Variants in CSMD1 observed in about 807,000 individuals in gnomAD.
CSMD1 encodes CUB and sushi domain-containing protein 1.
In CSMD1, 213 loss-of-function variants were observed where a neutral mutation model predicts 417.5. The observed-to-expected ratio is 0.51, with a 90% CI of 0.46 to 0.57. The LOEUF (loss-of-function observed/expected upper bound fraction) is 0.57. Among genes scored for constraint, CSMD1 ranks in the 20% least tolerant of loss-of-function variants. CSMD1 has a pLI of 0.00. For synonymous variants in CSMD1, 2,862 were observed against 1,736.8 expected (o/e 1.65, Z -16.11); for missense variants, 6,923 against 4,529.7 (o/e 1.53, Z -15.17).
chr8:3,922,089 A>G (rs1809317158), intron 5 of CSMD1, among the ~76,000 whole-genome samples: 1 of 152,076 alleles, frequency 6.6e-6, no homozygotes, highest in South Asian at 2.1e-4. Flanking sequence ...ATAATTTTAT[A>G]TAGTTTTCAT....
chr8:4,200,800 G>A (rs79698096), intron 3 of CSMD1, among the ~76,000 whole-genome samples: 2 of 152,200 alleles, frequency 1.3e-5, no homozygotes, highest in East Asian at 3.8e-4. Context: ...GGAGGCTTCA[G>A]TGAACTATTG....
chr8:4,647,575 C>T (rs1803616688), intron 1 of CSMD1, among the ~76,000 whole-genome samples: 1 of 152,146 alleles, frequency 6.6e-6, no homozygotes. Flanking sequence ...CATCCCCCAC[C>T]CCCCAATATG....
At chr8:3,474,711 G>C (rs1279122754) in intron 11 of CSMD1, among the ~76,000 whole-genome samples, 3 of 152,054 alleles carry the variant, frequency 2.0e-5, no homozygotes, top group Non-Finnish European at 4.4e-5. Flanking sequence ...AGTTTCCAAA[G>C]ACCTATTAAT....
chr8:3,403,505 G>A (rs933950223), intron 15 of CSMD1, among the ~76,000 whole-genome samples: 1 of 152,122 alleles, frequency 6.6e-6, no homozygotes, highest in South Asian at 2.1e-4. Context: ...TCTGCCGAGG[G>A]CTTCCTTTGT....
At chr8:3,661,366 A>T (rs1417333661) in intron 7 of CSMD1, among the ~76,000 whole-genome samples, 1 of 151,886 alleles carries the variant, frequency 6.6e-6, no homozygotes, top group Non-Finnish European at 1.5e-5. Context: ...CTCACTGCAG[A>T]TTTCTGTATG....
chr8:4,736,726 A>G (rs975062514), intron 1 of CSMD1, among the ~76,000 whole-genome samples: 1 of 152,210 alleles, frequency 6.6e-6, no homozygotes, highest in African/African-American at 2.4e-5. Context: ...TTACTGGGAG[A>G]AAATGGTATA....
intron 10 of CSMD1, among the ~76,000 whole-genome samples, chr8:3,563,554 C>A (rs1214342832): frequency 1.5e-5 from 2 of 137,880 alleles, no homozygotes; most frequent in African/African-American, 2.8e-5. Context: ...TAAATACACA[C>A]CTCTTACTCA....
At chr8:3,310,576 A>G (rs535851996) in intron 23 of CSMD1, among the ~76,000 whole-genome samples, 22 of 152,356 alleles carry the variant, frequency 1.4e-4, no homozygotes, top group Middle Eastern at 3.4e-3. Flanking sequence ...ATTGGAACAT[A>G]CAATTGGAAA....
At chr8:3,816,594 C>G (rs962808580) in intron 5 of CSMD1, among the ~76,000 whole-genome samples, 2 of 152,038 alleles carry the variant, frequency 1.3e-5, no homozygotes, top group Non-Finnish European at 2.9e-5. Context: ...AGTAGGGTGA[C>G]TGCAGTTCAC....
intron 3 of CSMD1, among the ~76,000 whole-genome samples, chr8:4,352,503 G>T (rs1801155618): frequency 1.3e-5 from 2 of 152,146 alleles, no homozygotes; most frequent in African/African-American, 4.8e-5. Context: ...AATCAAGTTT[G>T]AAGAAACATG....
At chr8:4,080,702 C>G (rs1176172114) in intron 3 of CSMD1, among the ~76,000 whole-genome samples, 1 of 152,152 alleles carries the variant, frequency 6.6e-6, no homozygotes, top group East Asian at 1.9e-4. Flanking sequence ...TCAGTGAAGA[C>G]TATTCTTTCA....
At chr8:4,864,729 G>T (rs983767218) in intron 1 of CSMD1, among the ~76,000 whole-genome samples, 2 of 151,538 alleles carry the variant, frequency 1.3e-5, no homozygotes, top group Admixed American at 1.3e-4. Flanking sequence ...TAAAAAATTC[G>T]AAGTATATTT....
intron 4 of CSMD1, among the ~76,000 whole-genome samples, chr8:4,017,049 C>G (rs1281064275): frequency 6.6e-6 from 1 of 152,140 alleles, no homozygotes; most frequent in African/African-American, 2.4e-5. Flanking sequence ...GGAACAAAAG[C>G]AGATATTCAT....
At chr8:3,541,164 T>C (rs1798421243) in intron 10 of CSMD1, among the ~76,000 whole-genome samples, 1 of 152,124 alleles carries the variant, frequency 6.6e-6, no homozygotes, top group Non-Finnish European at 1.5e-5. Flanking sequence ...ATAAAGAAAA[T>C]GTGGTAGATA....
intron 1 of CSMD1, among the ~76,000 whole-genome samples, chr8:4,694,274 T>A (rs1806968989): frequency 6.6e-6 from 1 of 151,848 alleles, no homozygotes; most frequent in South Asian, 2.1e-4. Flanking sequence ...TATCTACCTA[T>A]GACATGGAAG....
intron 5 of CSMD1, among the ~76,000 whole-genome samples, chr8:3,879,196 T>C (rs2975346): frequency 6.6e-6 from 1 of 151,954 alleles, no homozygotes; most frequent in East Asian, 1.9e-4. Flanking sequence ...ACACTTCTCT[T>C]TGCCTAGAAA....
chr8:3,798,738 C>A (rs1018179460), intron 5 of CSMD1, among the ~76,000 whole-genome samples: 1 of 152,000 alleles, frequency 6.6e-6, no homozygotes, highest in Non-Finnish European at 1.5e-5. Context: ...ACAAAAATGT[C>A]ACTATAGATC....
At chr8:4,227,935 A>T (rs1801459304) in intron 3 of CSMD1, among the ~76,000 whole-genome samples, 1 of 148,932 alleles carries the variant, frequency 6.7e-6, no homozygotes. Flanking sequence ...ACACCTAGAC[A>T]CACACCCTCC....
At chr8:4,957,114 T>C (rs1412370494) in intron 1 of CSMD1, among the ~76,000 whole-genome samples, 1 of 152,156 alleles carries the variant, frequency 6.6e-6, no homozygotes, top group Non-Finnish European at 1.5e-5. Flanking sequence ...TAATAAATCA[T>C]GAAGAGTAAT....
Sources: allele counts gnomAD v4.1 joint callset (sites outside exome capture counted in the v4.1 genomes callset), GRCh38; gene constraint gnomAD v4.1.1; transcripts MANE v1.5; gene names NCBI Gene and HGNC (gene_info 2026-07-23, HGNC 2026-07-21).